Variants in ABCB11 observed in about 807,000 individuals in gnomAD.
ABCB11 encodes the protein bile salt export pump.
A neutral mutation model predicts 148.0 loss-of-function variants in ABCB11; 95 were observed. The observed-to-expected ratio is 0.64, with a 90% CI of 0.54 to 0.76. The LOEUF (loss-of-function observed/expected upper bound fraction) is 0.76. Ranked by LOEUF, ABCB11 falls within the 30% of genes least tolerant of loss-of-function variation. ABCB11 has a pLI of 0.00. For synonymous variants in ABCB11, 591 were observed against 555.4 expected, an observed-to-expected ratio of 1.06 and a Z score of -0.90; for missense variants, 1,523 against 1,617.8, an observed-to-expected ratio of 0.94 and a Z score of 1.01.
At chr2:168,966,346 G>T (rs1161701617) in intron 17 of ABCB11, among the ~76,000 whole-genome samples, 1 of 151,852 alleles carries the variant, frequency 6.6e-6, no homozygotes, top group East Asian at 2.0e-4. Context: ...TATGTCCTTG[G>T]CCCCTTGGAT....
At position 168,971,950 on chromosome 2, in the gene ABCB11, A is replaced by G. The variant is rs886044202; in HGVS notation, c.1535T>C (p.Ile512Thr). ...TCTGCCATAGCGAATATTTTCTGCA[A>G]TGGTGGTAGAGAACAGAACTGGCTC... ...EQEPVLFSTT[I>T]AENIRYGRED... Residue 512 changes from isoleucine (I) to threonine (T), a missense_variant, in exon 14 of 28, where the codon ATT becomes ACT. By Grantham distance (89) the Ile-to-Thr change is moderately conservative (BLOSUM62 -1). Coordinates refer to ENST00000650372, the MANE Select transcript of ABCB11 (RefSeq NM_003742.4). The G allele has an allele frequency of 6.2e-6, 10 of 1,613,118 alleles. No homozygotes were observed. The highest frequency in any genetic ancestry group is 8.5e-6 in the Non-Finnish European group (10 of 1,179,422).
At chr2:168,963,742 A>G (rs1269829606) in intron 18 of ABCB11, among the ~76,000 whole-genome samples, 3 of 151,836 alleles carry the variant, frequency 2.0e-5, no homozygotes, top group African/African-American at 7.2e-5. Flanking sequence ...ATATTTTGAT[A>G]ACTTGTAATA....
intron 18 of ABCB11, among the ~76,000 whole-genome samples, chr2:168,962,203 T>C (rs992074275): frequency 3.3e-5 from 5 of 151,710 alleles, no homozygotes; most frequent in African/African-American, 7.2e-5. Context: ...TCTCCTATCA[T>C]TTTTTCTCTC....
intron 25 of ABCB11, among the ~76,000 whole-genome samples, chr2:168,928,291 G>T (rs1441023620): frequency 6.6e-6 from 1 of 152,150 alleles, no homozygotes; most frequent in Non-Finnish European, 1.5e-5. Flanking sequence ...CAGGCTGTTT[G>T]CTCATTCTTC....
At chr2:169,027,811 G>A (rs1695744488) in intron 1 of ABCB11, among the ~76,000 whole-genome samples, 1 of 152,138 alleles carries the variant, frequency 6.6e-6, no homozygotes, top group Admixed American at 6.5e-5. Context: ...GAACTGGTGG[G>A]GATGTCAGCC....
chr2:168,986,034 A>G (rs887327982), intron 10 of ABCB11, 76 bp downstream of exon 10: 2 of 1,233,552 alleles, frequency 1.6e-6, no homozygotes, highest in African/African-American at 3.1e-5. Flanking sequence ...AAAGTAATAA[A>G]CAAAATATCT....
chr2:168,951,406 G>A (rs980149312), intron 19 of ABCB11, among the ~76,000 whole-genome samples: 1 of 151,460 alleles, frequency 6.6e-6, no homozygotes, highest in Non-Finnish European at 1.5e-5. Context: ...TTTTCCTTTT[G>A]TTTGTGGCAT....
At chr2:168,955,090 A>G (rs750015793) in intron 19 of ABCB11, among the ~76,000 whole-genome samples, 15 of 151,498 alleles carry the variant, frequency 9.9e-5, no homozygotes, top group Non-Finnish European at 2.1e-4. Flanking sequence ...TGAGTTCCAG[A>G]ATTTCTGCTT....
intron 19 of ABCB11, among the ~76,000 whole-genome samples, chr2:168,955,809 A>G (rs1230506535): frequency 6.6e-6 from 1 of 151,688 alleles, no homozygotes; most frequent in Non-Finnish European, 1.5e-5. Flanking sequence ...AATCAAAAAT[A>G]AGTTTGTTAC....
Position 168,986,262 on chromosome 2 carries a change from C to A in ABCB11, c.931G>T (p.Ala311Ser), listed in dbSNP as rs200509511. 2 of 1,612,622 alleles carry A rather than the reference C, an allele frequency of 1.2e-6. No homozygotes were observed. Among genetic ancestry groups the A allele is most frequent in the South Asian group, 2.2e-5 (2 of 91,010 alleles). The change falls in exon 10 of 28, where the codon GCC becomes TCC. Residue 311 changes from alanine to serine, a missense_variant. Transcript: ENST00000650372. Reference sequence around the variant, plus strand: ...CCTTTTCTAATTCCCCAACGCTGGGCGAACACAAGATTTTTCTCATACCTG... The same window carrying A: ...CCTTTTCTAATTCCCCAACGCTGGGAGAACACAAGATTTTTCTCATACCTG... Reference protein sequence around the residue: ...VERYEKNLVFAQRWGIRKGIV... With the variant: ...VERYEKNLVFSQRWGIRKGIV...
intron 5 of ABCB11, among the ~76,000 whole-genome samples, chr2:169,008,803 G>A (rs903085649): frequency 2.0e-5 from 3 of 152,122 alleles, no homozygotes; most frequent in Non-Finnish European, 2.9e-5. Context: ...ATGTACCCAA[G>A]AGAAATGAAG....
chr2:168,936,351 C>T lies in ABCB11; in HGVS notation c.2693G>A (p.Trp898Ter). ...GCACAAGATGACCAGGCTCAGCTTC[C>T]AGCTAAAGGAGAAGGCAATGATCAT... is the stretch of plus-strand genomic sequence containing the variant. ...VAMIIAFSFS[W>*]KLSLVILCFF... The change falls in exon 22 of 28, where the codon TGG (tryptophan) becomes TAG (stop). Residue 898 changes from tryptophan (W) to a stop codon, truncating the protein, a stop_gained. Transcript: ENST00000650372. LOFTEE classifies it high-confidence loss of function. The T allele has an allele frequency of 6.2e-7, 1 of 1,613,866 alleles. No homozygotes were observed. Among genetic ancestry groups the T allele is most frequent in the Non-Finnish European group, 8.5e-7 (1 of 1,179,862 alleles).
chr2:168,971,509 C>T (rs1693576733), intron 14 of ABCB11, among the ~76,000 whole-genome samples: 1 of 151,964 alleles, frequency 6.6e-6, no homozygotes, highest in South Asian at 2.1e-4. Flanking sequence ...CATTTAGCAT[C>T]TGCTTAGACA....
At position 168,975,582 on chromosome 2, in the gene ABCB11, T is replaced by TAAAAATATTTAAATATTTATAG. The variant is rs1238543746; in HGVS notation, c.1308+994_1308+995insCTATAAATATTTAAATATTTTT. 1.8e-3 allele frequency among the ~76,000 whole-genome samples: 190 copies of TAAAAATATTTAAATATTTATAG among 106,174 alleles called. 81 individuals are homozygous for TAAAAATATTTAAATATTTATAG. The highest frequency in any genetic ancestry group is 2.5e-3 in the African/African-American group (64 of 25,684). The allele number at this position is 106,174 out of a possible 152,430, so 69.7% of individuals were successfully genotyped here. On this transcript the variant is annotated intron_variant, in intron 12 of 27. Coordinates refer to ENST00000650372, the MANE Select transcript of ABCB11 (RefSeq NM_003742.4). ...ATATTTTTATATTTATAGATAAATATATAAATACATAAATATTTTTATATT... is the reference window on the plus strand; with the variant it reads ...ATATTTTTATATTTATAGATAAATATAAAAATATTTAAATATTTATAGATAAATACATAAATATTTTTATATT...
intron 5 of ABCB11, among the ~76,000 whole-genome samples, chr2:169,002,661 A>G (rs1694910343): frequency 6.6e-6 from 1 of 152,192 alleles, no homozygotes; most frequent in Non-Finnish European, 1.5e-5. Context: ...ATATCATGTT[A>G]AGTGAAATAA....
chr2:168,971,583 C>T (rs1693579302), intron 14 of ABCB11, among the ~76,000 whole-genome samples: 1 of 151,958 alleles, frequency 6.6e-6, no homozygotes, highest in East Asian at 1.9e-4. Context: ...AAAGATAGTT[C>T]CCCAGTTTGG....
chr2:169,003,181 C>T (rs537627014), intron 5 of ABCB11, among the ~76,000 whole-genome samples: 4 of 151,906 alleles, frequency 2.6e-5, no homozygotes, highest in South Asian at 2.1e-4. Context: ...TAGCTTAGCT[C>T]GTACATATGA....
chr2:168,941,679 T>C lies in ABCB11; in HGVS notation c.2610+2926A>G, dbSNP rs183405292. 2.8e-4 allele frequency among the ~76,000 whole-genome samples: 42 copies of C among 152,150 alleles called. No individual in the cohort carries two copies. The East Asian group carries it at 4.3e-3, about 15-fold the overall frequency. ...ATTTTGAAAGACATTCTACTGTGGG[T>C]AAAATACTATCAATCAGCATTACAT... On this transcript the variant is annotated intron_variant, in intron 21 of 27. Transcript: ENST00000650372.
intron 1 of ABCB11, among the ~76,000 whole-genome samples, chr2:169,027,230 C>T (rs1224800930): frequency 2.0e-5 from 3 of 152,112 alleles, no homozygotes; most frequent in Non-Finnish European, 4.4e-5. Flanking sequence ...TTCCAATAAA[C>T]TTAAGGGAAT....
Sources: gnomAD v4.1 joint callset for allele counts (sites outside exome capture counted in the v4.1 genomes callset) on GRCh38, gnomAD v4.1.1 for gene constraint, MANE v1.5 for transcripts, NCBI Gene and HGNC (gene_info 2026-07-23, HGNC 2026-07-21) for gene names.